Variants in MID1 observed in about 807,000 individuals in gnomAD.
The protein encoded by MID1 is E3 ubiquitin-protein ligase Midline-1.
Under a neutral mutation model 40.4 loss-of-function variants are expected in MID1, and 7 were observed. That is an observed-to-expected ratio of 0.17 (90% CI 0.10 to 0.33). The LOEUF is 0.33. Among genes scored for constraint, MID1 ranks in the 10% least tolerant of loss-of-function variants. MID1 has a pLI of 1.00. For missense variants in MID1, 367 were observed against 558.5 expected, an observed-to-expected ratio of 0.66 and a Z score of 3.46; for synonymous variants, 229 against 221.2, an observed-to-expected ratio of 1.04 and a Z score of -0.31.
intron 1 of MID1, among the ~76,000 whole-genome samples, chrX:10,794,738 G>C (rs765615948): frequency 8.9e-6 from 1 of 112,148 alleles, no homozygotes; most frequent in Non-Finnish European, 1.9e-5. Flanking sequence ...GTTTGTGGAC[G>C]ATTTCCTTTC....
chrX:10,613,869 C>T (rs763912393), intron 1 of MID1, among the ~76,000 whole-genome samples: 1 of 105,087 alleles, frequency 9.5e-6, no homozygotes, highest in East Asian at 3.0e-4. Flanking sequence ...ATAACCTATG[C>T]TAATTTTCTC....
intron 2 of MID1, among the ~76,000 whole-genome samples, chrX:10,536,838 T>C (rs994096913): frequency 8.9e-6 from 1 of 112,270 alleles, no homozygotes; most frequent in African/African-American, 3.2e-5. Flanking sequence ...CTTGTGGACA[T>C]TTTGTTATCT....
At chrX:10,506,285 T>A (rs753577906) in intron 3 of MID1, 2 of 1,014,113 alleles carry the variant, frequency 2.0e-6, no homozygotes, top group East Asian at 7.3e-5. Context: ...ATTTTAGACA[T>A]GGTTGGCAGT....
chrX:10,525,537 T>C lies in MID1; in HGVS notation c.661-2350A>G, dbSNP rs772970173. 1.2e-4 allele frequency among the ~76,000 whole-genome samples: 13 copies of C among 112,646 alleles called. No homozygotes were observed. The East Asian group carries it at 3.3e-3, about 29-fold the overall frequency. On this transcript the variant is annotated intron_variant, in intron 2 of 9. Transcript: ENST00000317552. Reference sequence around the variant, plus strand: ...CAAGGATCTGATTTTATCTTTGTCTTGTAATTTTTGTCTGACAGCTCATAC... The same window carrying C: ...CAAGGATCTGATTTTATCTTTGTCTCGTAATTTTTGTCTGACAGCTCATAC...
At chrX:10,783,074 C>A (rs1049826804) in intron 1 of MID1, among the ~76,000 whole-genome samples, 1 of 111,945 alleles carries the variant, frequency 8.9e-6, no homozygotes, top group South Asian at 3.7e-4. Flanking sequence ...ATGTTGCTAG[C>A]GTGACTGAGA....
intron 1 of MID1, among the ~76,000 whole-genome samples, chrX:10,746,162 G>A (rs1355404228): frequency 1.8e-5 from 2 of 111,995 alleles, no homozygotes; most frequent in Non-Finnish European, 3.8e-5. Flanking sequence ...CAAGGTGGTG[G>A]GAAAGTGCAG....
At chrX:10,621,558 C>T (rs1298263686), upstream of MID1, among the ~76,000 whole-genome samples, 3 of 110,921 alleles carry the variant, frequency 2.7e-5, no homozygotes, top group Non-Finnish European at 3.8e-5. Flanking sequence ...AATTTTGTGA[C>T]GATAATTCAA....
At chrX:10,578,967 T>C (rs768023809) in intron 1 of MID1, among the ~76,000 whole-genome samples, 1 of 112,600 alleles carries the variant, frequency 8.9e-6, no homozygotes, top group South Asian at 3.7e-4. Context: ...ATGTCCATAA[T>C]GGAATTAGTT....
chrX:10,715,795 C>T (rs1180400369), intron 1 of MID1, among the ~76,000 whole-genome samples: 1 of 111,929 alleles, frequency 8.9e-6, no homozygotes, highest in African/African-American at 3.2e-5. Flanking sequence ...AGGCACCCCC[C>T]AGTAGGGGCA....
At chrX:10,728,198 C>A (rs1004935359) in intron 1 of MID1, among the ~76,000 whole-genome samples, 3 of 110,716 alleles carry the variant, frequency 2.7e-5, no homozygotes, top group Non-Finnish European at 3.8e-5. Context: ...TTTCCCCCCC[C>A]AGGAAAAAAC....
chrX:10,570,240 CT>C (rs1934685445), intron 1 of MID1, among the ~76,000 whole-genome samples: 2 of 111,870 alleles, frequency 1.8e-5, no homozygotes, highest in African/African-American at 3.3e-5. Context: ...CTGCTCGCCC[CT>C]GCAAGGTCTT....
intron 1 of MID1, among the ~76,000 whole-genome samples, chrX:10,706,532 C>A (rs1036343332): frequency 9.1e-6 from 1 of 110,490 alleles, no homozygotes; most frequent in African/African-American, 3.3e-5. Flanking sequence ...AAGCGTTTTT[C>A]CCCCTTTTGC....
At chrX:10,792,507 A>G (rs996946521) in intron 1 of MID1, among the ~76,000 whole-genome samples, 7 of 112,638 alleles carry the variant, frequency 6.2e-5, no homozygotes, top group African/African-American at 1.6e-4. Context: ...AGAATGTTCT[A>G]CTTACTATAA....
intron 1 of MID1, among the ~76,000 whole-genome samples, chrX:10,830,439 CAA>C (rs2044245776): frequency 8.9e-6 from 1 of 112,222 alleles, no homozygotes; most frequent in Non-Finnish European, 1.9e-5. Context: ...AAAAGGCACT[CAA>C]TAAATATTTG....
intron 1 of MID1, among the ~76,000 whole-genome samples, chrX:10,627,189 T>C (rs1218263518): frequency 2.7e-5 from 3 of 112,315 alleles, no homozygotes; most frequent in East Asian, 5.6e-4. Context: ...AGTCACTTCC[T>C]ATGAACTAGC....
chrX:10,692,048 G>A (rs902919591), intron 1 of MID1, among the ~76,000 whole-genome samples: 4 of 111,532 alleles, frequency 3.6e-5, no homozygotes, highest in Non-Finnish European at 7.5e-5. Context: ...GTCTGCCCTC[G>A]AACCCTGTTT....
In MID1 at chrX:10,449,513, G is replaced by A. The variant is rs762453585; in HGVS notation, c.1859C>T (p.Ala620Val). ...GGTGTAGAGGTGGATGGAGTTCAAA[G>A]CATCATAAAAGGCGATAGAGCCGTT... ...YDNGSIAFYD[A>V]LNSIHLYTFD... Residue 620 changes from alanine to valine, a missense_variant, in exon 10 of 10, where the codon GCT (alanine) becomes GTT (valine). Physicochemically the swap from Ala to Val is moderately conservative, Grantham distance 64. Around this residue, in one of 3 missense-constraint regions of MID1, gnomAD observed 275 missense variants for 383.1 expected, o/e 0.72. Coordinates refer to ENST00000317552, the MANE Select transcript of MID1 (RefSeq NM_000381.4). 1.7e-6 allele frequency: 2 copies of A among 1,211,843 alleles called. No individual in the cohort carries two copies. Among genetic ancestry groups the A allele is most frequent in the Non-Finnish European group, 2.2e-6 (2 of 895,532 alleles).
chrX:10,688,723 T>A (rs1264447431), intron 1 of MID1, among the ~76,000 whole-genome samples: 1 of 111,289 alleles, frequency 9.0e-6, no homozygotes, highest in Non-Finnish European at 1.9e-5. Context: ...GTTAAATTCA[T>A]ATACTGTATT....
At chrX:10,506,490 T>C (rs1341109068) in intron 3 of MID1, 4 of 527,952 alleles carry the variant, frequency 7.6e-6, no homozygotes, top group South Asian at 2.5e-5. Context: ...TTCCAGCTAA[T>C]AGGGAAGAAG....
Sources: allele counts gnomAD v4.1 joint callset (sites outside exome capture counted in the v4.1 genomes callset), GRCh38; gene constraint gnomAD v4.1.1; regional missense constraint gnomAD v4.1.1; transcripts MANE v1.5; gene names NCBI Gene and HGNC (gene_info 2026-07-23, HGNC 2026-07-21).